The following OPRM1 variants were observed in gnomAD, a reference collection of about 807,000 sequenced individuals.
The protein encoded by OPRM1 is opioid receptor mu 1, also known as mu-type opioid receptor.
OPRM1 carries 27 observed loss-of-function variants against 31.8 expected under a neutral mutation model. The observed-to-expected ratio is 0.85, with a 90% confidence interval of 0.63 to 1.17. OPRM1 has a LOEUF of 1.17. Among genes scored for constraint, OPRM1 ranks in the 50% most tolerant of loss-of-function variants. The pLI is 0.00. For missense variants in OPRM1, 536 were observed against 511.1 expected (o/e 1.05, Z -0.47); for synonymous variants, 196 against 189.9 (o/e 1.03, Z -0.26).
At chr6:154,245,285 TG>T (rs113901695) in intron 3 of OPRM1, among the ~76,000 whole-genome samples, 62,856 of 151,624 alleles carry the variant, frequency 0.41, 13,365 homozygotes, top group Middle Eastern at 0.49. Context: ...ACCAAATGCT[TG>T]GAAAAAAAAA....
At position 154,089,911 on chromosome 6, in the gene OPRM1, C is replaced by G. The variant is rs757438169; in HGVS notation, c.376C>G (p.Gln126Glu). The change falls in exon 2 of 4, where the codon CAG becomes GAG. Residue 126 changes from glutamine to glutamate, a missense_variant. Coordinates refer to ENST00000330432, the MANE Select transcript of OPRM1 (RefSeq NM_000914.5). ...DALATSTLPF[Q>E]SVNYLMGTWP... ...CTTAGCCACCAGTACCCTGCCCTTC[C>G]AGAGTGTGAATTACCTAATGGGAAC... is the stretch of plus-strand genomic sequence containing the variant. The G allele has an allele frequency of 1.9e-6, 3 of 1,613,996 alleles. No homozygotes were observed. The highest frequency in any genetic ancestry group is 2.5e-6 in the Non-Finnish European group (3 of 1,179,994).
chr6:154,011,965 T>C (rs1251138915), intron 1 of OPRM1, among the ~76,000 whole-genome samples: 2 of 152,124 alleles, frequency 1.3e-5, no homozygotes, highest in Non-Finnish European at 2.9e-5. Context: ...AACTAAATAA[T>C]TTAAGTTATT....
intron 3 of OPRM1, among the ~76,000 whole-genome samples, chr6:154,206,843 G>C (rs114885141): frequency 6.6e-6 from 1 of 152,242 alleles, no homozygotes. Context: ...CGCTTTTGGG[G>C]AACAGCAGGC....
intron 3 of OPRM1, among the ~76,000 whole-genome samples, chr6:154,234,446 C>A (rs1562557715): frequency 6.6e-6 from 1 of 152,198 alleles, no homozygotes; most frequent in Non-Finnish European, 1.5e-5. Context: ...CCCAAATCCT[C>A]TTCTCAAGAA....
intron 3 of OPRM1, among the ~76,000 whole-genome samples, chr6:154,189,119 T>G (rs1372974034): frequency 6.6e-6 from 1 of 152,078 alleles, no homozygotes; most frequent in African/African-American, 2.4e-5. Flanking sequence ...ACAAATCCAT[T>G]GGAAAAACAA....
At chr6:154,222,816 C>T (rs1021259828) in intron 3 of OPRM1, 15 of 248,214 alleles carry the variant, frequency 6.0e-5, no homozygotes, top group African/African-American at 2.0e-4. Flanking sequence ...ATCTGCAACT[C>T]GGGTGAGTCC....
At chr6:154,238,093 GTATCAACA>G (rs1357147696) in intron 3 of OPRM1, among the ~76,000 whole-genome samples, 4 of 152,096 alleles carry the variant, frequency 2.6e-5, no homozygotes, top group African/African-American at 9.7e-5. Context: ...GGATATACAT[GTATCAACA>G]TGGAAATATG....
chr6:154,089,557 A>G (rs2128482771), intron 1 of OPRM1, among the ~76,000 whole-genome samples: 1 of 146,158 alleles, frequency 6.8e-6, no homozygotes, highest in South Asian at 2.2e-4. Flanking sequence ...ATTACACTCC[A>G]GCCTGGGTAA....
At position 154,130,997 on chromosome 6, in the gene OPRM1, A is replaced by G. The variant is rs1797866084; in HGVS notation, c.*12276A>G. ...TGTAAGTGCAGATTTATTTTAAAAA[A>G]TTGAAAAACTACTCTGTCAAACATA... On this transcript the variant is annotated 3_prime_UTR_variant, in exon 4 of 4. Transcript: ENST00000330432. 6.6e-6 allele frequency among the ~76,000 whole-genome samples: 1 copy of G among 152,172 alleles called. No individual in the cohort carries two copies. The highest frequency in any genetic ancestry group is 2.4e-5 in the African/African-American group (1 of 41,464).
intron 3 of OPRM1, among the ~76,000 whole-genome samples, chr6:154,172,407 G>A (rs141711568): frequency 8.5e-5 from 13 of 152,262 alleles, no homozygotes; most frequent in South Asian, 8.3e-4. Flanking sequence ...ATGAGTAACC[G>A]TACCTGGAGG....
chr6:154,067,291 A>G (rs1054609534), intron 1 of OPRM1, among the ~76,000 whole-genome samples: 5 of 151,914 alleles, frequency 3.3e-5, no homozygotes, highest in African/African-American at 1.2e-4. Flanking sequence ...TTATACATAC[A>G]AATTTTCCCT....
intron 3 of OPRM1, among the ~76,000 whole-genome samples, chr6:154,099,975 TATATC>T (rs1347779286): frequency 7.1e-6 from 1 of 141,066 alleles, no homozygotes; most frequent in Non-Finnish European, 1.5e-5. Context: ...TATTACGATA[TATATC>T]ATAACATATT....
chr6:154,202,768 A>G (rs1325159900), intron 3 of OPRM1, among the ~76,000 whole-genome samples: 1 of 152,284 alleles, frequency 6.6e-6, no homozygotes, highest in East Asian at 1.9e-4. Flanking sequence ...CTATGACTCA[A>G]ACACAGTGCA....
At chr6:154,209,453 C>A in intron 3 of OPRM1, among the ~76,000 whole-genome samples, 1 of 151,918 alleles carries the variant, frequency 6.6e-6, no homozygotes, top group East Asian at 1.9e-4. Flanking sequence ...GAGCCACAGA[C>A]CAACCTAGAG....
At chr6:154,224,234 G>A (rs922843183) in intron 3 of OPRM1, among the ~76,000 whole-genome samples, 1 of 152,200 alleles carries the variant, frequency 6.6e-6, no homozygotes, top group Admixed American at 6.5e-5. Context: ...TTAGTGCCAT[G>A]GGTGCTTTCA....
intron 3 of OPRM1, among the ~76,000 whole-genome samples, chr6:154,181,499 G>A (rs939894784): frequency 6.6e-6 from 1 of 152,202 alleles, no homozygotes; most frequent in Non-Finnish European, 1.5e-5. Flanking sequence ...GCTATACTAT[G>A]CTATGAATAT....
intron 3 of OPRM1, among the ~76,000 whole-genome samples, chr6:154,206,127 C>G (rs1777474871): frequency 6.6e-6 from 1 of 152,094 alleles, no homozygotes; most frequent in Non-Finnish European, 1.5e-5. Context: ...TTATCAGCTG[C>G]CTGACTAACT....
At chr6:154,183,246 T>C (rs1369867309) in intron 3 of OPRM1, among the ~76,000 whole-genome samples, 1 of 152,222 alleles carries the variant, frequency 6.6e-6, no homozygotes, top group Non-Finnish European at 1.5e-5. Context: ...CCCAAAGTGC[T>C]GGGATTACAG....
chr6:154,069,770 CA>C (rs1251552812), intron 1 of OPRM1, among the ~76,000 whole-genome samples: 7 of 152,122 alleles, frequency 4.6e-5, no homozygotes, highest in Admixed American at 1.3e-4. Flanking sequence ...TCCCTTTCCC[CA>C]TTGTGTTTAC....
Sources: allele counts gnomAD v4.1 joint callset (sites outside exome capture counted in the v4.1 genomes callset), GRCh38; gene constraint gnomAD v4.1.1; transcripts MANE v1.5; gene names NCBI Gene and HGNC (gene_info 2026-07-23, HGNC 2026-07-21).